MBNL2: variants seen among roughly 807,000 people sequenced by gnomAD.
MBNL2 encodes muscleblind like splicing regulator 2.
Under a neutral mutation model 41.9 loss-of-function variants are expected in MBNL2, and 17 were observed. The observed-to-expected ratio is 0.41, with a 90% CI of 0.28 to 0.61. The LOEUF (loss-of-function observed/expected upper bound fraction) is 0.61, where lower values mean the gene tolerates loss of function less well. MBNL2 is among the 20% of genes least tolerant of loss of function. MBNL2 has a pLI of 0.35. For missense variants in MBNL2, 336 were observed against 505.6 expected, an observed-to-expected ratio of 0.66 and a Z score of 3.22; for synonymous variants, 195 against 182.9, an observed-to-expected ratio of 1.07 and a Z score of -0.53.
At position 97,334,148 on chromosome 13, in the gene MBNL2, C is replaced by CCACCCACACA. The variant is rs556478210; in HGVS notation, c.175-125_175-124insCCACACACAC. The stretch of plus-strand genomic sequence containing the variant: ...AACACATGAGCATGCGCGCGCACAC[C>CCACCCACACA]CACACACACACACACACACACACAC... On this transcript the variant is annotated intron_variant, in intron 2 of 8. Transcript: ENST00000679496. This position sits in a 1 kb window ranked among gnomAD's most constrained non-coding sequence, Gnocchi z 5.3. The CCACCCACACA allele has an allele frequency of 1.6e-5, 9 of 547,432 alleles. No homozygotes were observed. The highest frequency in any genetic ancestry group is 2.8e-5 in the South Asian group (1 of 35,820). 33.9% of individuals were successfully genotyped at this position (547,432 alleles called of 1,614,324 possible).
the MBNL2 span, among the ~76,000 whole-genome samples, chr13:97,184,315 TAAA>T: frequency 6.6e-6 from 1 of 152,144 alleles, no homozygotes; most frequent in African/African-American, 2.4e-5. Flanking sequence ...TCTCTTTTCT[TAAA>T]AAAATTGTTT....
At chr13:97,232,890 T>TGTGTGTGTGTGTGTGTGC (rs1491513676) in intron 1 of MBNL2, among the ~76,000 whole-genome samples, 3 of 134,464 alleles carry the variant, frequency 2.2e-5, no homozygotes, top group East Asian at 2.1e-4. Context: ...TGTGTGTGTG[T>TGTGTGTGTGTGTGTGTGC]GCGCACGTAC....
the MBNL2 span, among the ~76,000 whole-genome samples, chr13:97,153,337 GTA>G: frequency 6.6e-6 from 1 of 151,956 alleles, no homozygotes; most frequent in Non-Finnish European, 1.5e-5. Flanking sequence ...GTGTGTGTGT[GTA>G]TTTTCTTGGA....
chr13:97,325,924 A>G (rs2059877577), intron 2 of MBNL2, among the ~76,000 whole-genome samples: 1 of 152,124 alleles, frequency 6.6e-6, no homozygotes, highest in Non-Finnish European at 1.5e-5. Flanking sequence ...TTGGCCTAAT[A>G]AGGAATGAGT....
intron 6 of MBNL2, 66 bp from the exon 7 acceptor site, chr13:97,357,416 C>T (rs2063084947): frequency 3.0e-6 from 4 of 1,334,174 alleles, no homozygotes; most frequent in Non-Finnish European, 4.3e-6. Flanking sequence ...AATTGATGAT[C>T]TCTGTGAACA....
chr13:97,360,254 T>C (rs2063296003), intron 7 of MBNL2, among the ~76,000 whole-genome samples: 1 of 152,202 alleles, frequency 6.6e-6, no homozygotes, highest in African/African-American at 2.4e-5. Context: ...AATTCTCCCA[T>C]TGACACAATG....
the MBNL2 span, among the ~76,000 whole-genome samples, chr13:97,179,805 G>A: frequency 6.6e-6 from 1 of 152,168 alleles, no homozygotes; most frequent in Non-Finnish European, 1.5e-5. Context: ...AATGTCAAGG[G>A]GACAGAAGAA....
chr13:97,334,152 A>ACACACC lies in MBNL2; in HGVS notation c.175-119_175-118insCCACAC, dbSNP rs2060683193. 3.6e-6 allele frequency: 2 copies of ACACACC among 556,968 alleles called. No homozygotes were observed. The highest frequency in any genetic ancestry group is 3.5e-5 in the Admixed American group (1 of 28,504). 34.5% of individuals were successfully genotyped at this position (556,968 alleles called of 1,614,324 possible). On this transcript the variant is annotated intron_variant, in intron 2 of 8. Coordinates refer to ENST00000679496, the MANE Select transcript of MBNL2 (RefSeq NM_001382683.1). This position sits in a 1 kb window ranked among gnomAD's most constrained non-coding sequence, Gnocchi z 5.3. ...CATGAGCATGCGCGCGCACACCCACACACACACACACACACACACACACAG... is the reference window on the plus strand; with the variant it reads ...CATGAGCATGCGCGCGCACACCCACACACACCCACACACACACACACACACACACAG...
At chr13:97,341,778 C>A (rs191339320) in intron 3 of MBNL2, among the ~76,000 whole-genome samples, 40 of 152,228 alleles carry the variant, frequency 2.6e-4, no homozygotes, top group Non-Finnish European at 4.4e-5. Context: ...AGATATTTTT[C>A]TGTTACTGCT....
the MBNL2 span, chr13:97,172,564 A>G: frequency 1.3e-5 from 2 of 152,098 alleles, no homozygotes; most frequent in African/African-American, 2.4e-5. Flanking sequence ...AGGAGCTCAC[A>G]CTCTTTAGAT....
chr13:97,151,632 T>C, the MBNL2 span, among the ~76,000 whole-genome samples: 1 of 152,130 alleles, frequency 6.6e-6, no homozygotes, highest in Non-Finnish European at 1.5e-5. Flanking sequence ...ACAATCAGCT[T>C]TTTGTGAGCC....
rs2050073001 is a variant in MBNL2, at chr13:97,267,599, G to T, written c.-604-8033G>T. Among the ~76,000 whole-genome samples the T allele has an allele frequency of 2.0e-5, 3 of 152,122 alleles. No individual in the cohort carries two copies. The South Asian group carries it at 6.2e-4, about 32-fold the overall frequency. ...TGAGCTGCTGGTCATCAGGCCACTA[G>T]TCCCTTTAAAGTGGTCCTCTCTCAG... is the stretch of plus-strand genomic sequence containing the variant. On this transcript the variant is annotated intron_variant, in intron 1 of 8. Coordinates refer to ENST00000679496, the MANE Select transcript of MBNL2 (RefSeq NM_001382683.1).
At chr13:97,226,996 C>T (rs1403058581) in intron 1 of MBNL2, among the ~76,000 whole-genome samples, 1 of 148,380 alleles carries the variant, frequency 6.7e-6, no homozygotes, top group Non-Finnish European at 1.5e-5. Context: ...TTTCCTGACT[C>T]TGCAGAATTT....
the MBNL2 span, among the ~76,000 whole-genome samples, chr13:97,215,388 CA>C: frequency 6.6e-6 from 1 of 152,204 alleles, no homozygotes; most frequent in Non-Finnish European, 1.5e-5. Context: ...ATCTGTCAGA[CA>C]CTGTGCGACC....
intron 1 of MBNL2, among the ~76,000 whole-genome samples, chr13:97,257,297 A>C (rs2047739118): frequency 6.6e-6 from 1 of 152,210 alleles, no homozygotes; most frequent in African/African-American, 2.4e-5. Flanking sequence ...GTAGGAACTC[A>C]GATGATAAAA....
intron 2 of MBNL2, among the ~76,000 whole-genome samples, chr13:97,332,071 A>T (rs2060480544): frequency 6.6e-6 from 1 of 152,228 alleles, no homozygotes; most frequent in African/African-American, 2.4e-5. Context: ...AGAAATGTGG[A>T]CATTTCATTA....
intron 2 of MBNL2, among the ~76,000 whole-genome samples, chr13:97,288,437 G>A (rs1415834259): frequency 6.6e-6 from 1 of 152,188 alleles, no homozygotes; most frequent in East Asian, 1.9e-4. Context: ...TCCATTTGAG[G>A]GTGGGGAAGG....
chr13:97,198,971 A>G, the MBNL2 span, among the ~76,000 whole-genome samples: 1 of 152,100 alleles, frequency 6.6e-6, no homozygotes, highest in Non-Finnish European at 1.5e-5. Context: ...AAAACCCTCC[A>G]GTGGCGTCCC....
At chr13:97,263,095 C>T (rs1370841874) in intron 1 of MBNL2, among the ~76,000 whole-genome samples, 11 of 151,874 alleles carry the variant, frequency 7.2e-5, no homozygotes, top group African/African-American at 1.2e-4. Flanking sequence ...CCTTGAAGTC[C>T]GTTTTGATCC....
Sources: allele counts gnomAD v4.1 joint callset (sites outside exome capture counted in the v4.1 genomes callset), GRCh38; gene constraint gnomAD v4.1.1; non-coding constraint Gnocchi (gnomAD v3.1); transcripts MANE v1.5; gene names NCBI Gene and HGNC (gene_info 2026-07-23, HGNC 2026-07-21).